CTNNA2: variants seen among roughly 807,000 people sequenced by gnomAD.
CTNNA2 encodes the protein catenin alpha-2.
In CTNNA2, 42 loss-of-function variants were observed where a neutral mutation model predicts 101.0. The observed-to-expected ratio is 0.42, with a 90% CI of 0.32 to 0.54. CTNNA2 has a LOEUF of 0.54. CTNNA2 is among the 20% of genes least tolerant of loss of function. The pLI is 0.14. For missense variants in CTNNA2, 871 were observed against 1,223.1 expected, an observed-to-expected ratio of 0.71 and a Z score of 4.29; for synonymous variants, 450 against 456.4, an observed-to-expected ratio of 0.99 and a Z score of 0.18.
intron 9 of CTNNA2, among the ~76,000 whole-genome samples, chr2:80,515,194 C>A (rs1559172881): frequency 6.6e-6 from 1 of 151,258 alleles, no homozygotes; most frequent in Non-Finnish European, 1.5e-5. Flanking sequence ...ATTTTCAGGA[C>A]CATTCTCATG....
chr2:79,709,011 T>C (rs577779290), intron 2 of CTNNA2, among the ~76,000 whole-genome samples: 37 of 152,358 alleles, frequency 2.4e-4, no homozygotes, highest in Admixed American at 1.2e-3. Context: ...TTTACCTGTT[T>C]AATCTGAGGA....
intron 2 of CTNNA2, among the ~76,000 whole-genome samples, chr2:79,734,005 CA>C (rs1465043931): frequency 2.6e-5 from 4 of 152,110 alleles, no homozygotes; most frequent in Non-Finnish European, 5.9e-5. Flanking sequence ...TTTCTTGGAA[CA>C]GTCTAGCTTT....
intron 4 of CTNNA2, among the ~76,000 whole-genome samples, chr2:79,455,758 A>G (rs1235104611): frequency 1.3e-5 from 2 of 152,212 alleles, no homozygotes; most frequent in Admixed American, 1.3e-4. Context: ...AGTATGGCCC[A>G]TAAGATACAC....
chr2:79,666,055 G>C (rs1464741515), intron 2 of CTNNA2, among the ~76,000 whole-genome samples: 1 of 152,098 alleles, frequency 6.6e-6, no homozygotes, highest in East Asian at 1.9e-4. Flanking sequence ...ATTTTATAGA[G>C]ATGACACAAA....
intron 1 of CTNNA2, among the ~76,000 whole-genome samples, chr2:79,537,059 T>C (rs72921184): frequency 0.022 from 3,395 of 152,292 alleles, 136 homozygotes; most frequent in African/African-American, 0.078. Flanking sequence ...CACTTGCCAC[T>C]GTTTGCAAAA....
chr2:79,792,289 G>C (rs1172224576), intron 3 of CTNNA2, among the ~76,000 whole-genome samples: 1 of 152,140 alleles, frequency 6.6e-6, no homozygotes, highest in Non-Finnish European at 1.5e-5. Context: ...AACAGCCTTG[G>C]AAATAAAGAT....
At chr2:79,344,154 G>C (rs139403490) in intron 3 of CTNNA2, among the ~76,000 whole-genome samples, 348 of 146,558 alleles carry the variant, frequency 2.4e-3, no homozygotes, top group African/African-American at 8.4e-3. Flanking sequence ...ATTGCCCAGT[G>C]AATTGTCAAA....
intron 3 of CTNNA2, among the ~76,000 whole-genome samples, chr2:79,765,895 T>G (rs1673117195): frequency 6.6e-6 from 1 of 152,220 alleles, no homozygotes; most frequent in Admixed American, 6.5e-5. Context: ...AGATTATAAT[T>G]ACTCTGAGTA....
At chr2:79,278,420 G>T (rs1675272360) in intron 2 of CTNNA2, among the ~76,000 whole-genome samples, 2 of 151,912 alleles carry the variant, frequency 1.3e-5, no homozygotes, top group Admixed American at 6.6e-5. Context: ...TGGTAATAGG[G>T]GCATTATTGT....
At chr2:79,993,842 A>G (rs758099485) in intron 7 of CTNNA2, among the ~76,000 whole-genome samples, 6 of 152,164 alleles carry the variant, frequency 3.9e-5, no homozygotes, top group African/African-American at 9.7e-5. Context: ...TACAGCATGC[A>G]GGACTAAGTA....
At chr2:80,321,452 C>T (rs146104800) in intron 7 of CTNNA2, among the ~76,000 whole-genome samples, 1 of 152,098 alleles carries the variant, frequency 6.6e-6, no homozygotes, top group Non-Finnish European at 1.5e-5. Flanking sequence ...GGGGGAAGTA[C>T]GCATTGAGAT....
chr2:79,665,084 C>G (rs1453016810), intron 2 of CTNNA2, among the ~76,000 whole-genome samples: 1 of 152,036 alleles, frequency 6.6e-6, no homozygotes, highest in East Asian at 1.9e-4. Flanking sequence ...ACCTTGATTT[C>G]CACTCTCAAT....
At chr2:79,944,189 G>A (rs1299697254) in intron 7 of CTNNA2, among the ~76,000 whole-genome samples, 1 of 152,054 alleles carries the variant, frequency 6.6e-6, no homozygotes. Context: ...GGGATGGGAG[G>A]GTGGGAACTA....
intron 3 of CTNNA2, among the ~76,000 whole-genome samples, chr2:79,752,310 A>G (rs1360328273): frequency 6.6e-6 from 1 of 152,220 alleles, no homozygotes; most frequent in African/African-American, 2.4e-5. Context: ...AGGGAATAGG[A>G]TGTTTCTTAA....
intron 1 of CTNNA2, among the ~76,000 whole-genome samples, chr2:79,594,140 G>C (rs1178287770): frequency 1.3e-5 from 2 of 151,890 alleles, no homozygotes; most frequent in African/African-American, 4.8e-5. Flanking sequence ...CCACCACCTC[G>C]GCCTCCCAAA....
At chr2:80,293,069 A>T (rs1675405454) in intron 7 of CTNNA2, among the ~76,000 whole-genome samples, 1 of 152,260 alleles carries the variant, frequency 6.6e-6, no homozygotes, top group Non-Finnish European at 1.5e-5. Context: ...ACACAGTCTC[A>T]GTTTCAGGGA....
chr2:79,238,463 GAT>G (rs1237880041), intron 2 of CTNNA2, among the ~76,000 whole-genome samples: 1 of 152,168 alleles, frequency 6.6e-6, no homozygotes, highest in Non-Finnish European at 1.5e-5. Flanking sequence ...GTGACAGAGA[GAT>G]AAGAAATGAG....
At chr2:80,010,495 G>A (rs1385600795) in intron 7 of CTNNA2, among the ~76,000 whole-genome samples, 3 of 151,972 alleles carry the variant, frequency 2.0e-5, no homozygotes, top group Non-Finnish European at 4.4e-5. Flanking sequence ...GTAGGAAAGG[G>A]GTCTTCCTCT....
At chr2:79,922,011 A>C (rs1399983072) in intron 7 of CTNNA2, among the ~76,000 whole-genome samples, 1 of 152,132 alleles carries the variant, frequency 6.6e-6, no homozygotes, top group Non-Finnish European at 1.5e-5. Context: ...ATCCCAGAGG[A>C]TTCTCCTGCC....
Sources: gnomAD v4.1 joint callset for allele counts (sites outside exome capture counted in the v4.1 genomes callset) on GRCh38, gnomAD v4.1.1 for gene constraint, MANE v1.5 for transcripts, NCBI Gene and HGNC (gene_info 2026-07-23, HGNC 2026-07-21) for gene names.